The following MGAT4C variants were observed in gnomAD, a reference collection of about 807,000 sequenced individuals.
MGAT4C encodes the protein MGAT4 family member C, also known as alpha-1,3-mannosyl-glycoprotein 4-beta-N-acetylglucosaminyltransferase C.
MGAT4C carries 19 observed loss-of-function variants against 40.1 expected under a neutral mutation model. The ratio of observed to expected loss-of-function variants is 0.47; its 90% CI spans 0.33 to 0.70. MGAT4C has a LOEUF of 0.70. Among genes scored for constraint, MGAT4C ranks in the 30% least tolerant of loss-of-function variants. MGAT4C has a pLI of 0.02. For missense variants in MGAT4C, 491 were observed against 563.2 expected (o/e 0.87, Z 1.30); for synonymous variants, 181 against 187.1 (o/e 0.97, Z 0.27).
intron 1 of MGAT4C, among the ~76,000 whole-genome samples, chr12:86,079,939 T>C (rs1231481984): frequency 6.6e-6 from 1 of 150,844 alleles, no homozygotes; most frequent in African/African-American, 2.4e-5. Context: ...TAGCTAGGCC[T>C]CTCTCTCTCT....
chr12:86,079,581 C>T (rs944366024), intron 1 of MGAT4C, among the ~76,000 whole-genome samples: 3 of 151,868 alleles, frequency 2.0e-5, no homozygotes, highest in Non-Finnish European at 4.4e-5. Flanking sequence ...TGAGAGGATG[C>T]GGGTTGGAAT....
At chr12:86,611,033 G>A (rs1962238517) in intron 2 of MGAT4C, among the ~76,000 whole-genome samples, 1 of 151,894 alleles carries the variant, frequency 6.6e-6, no homozygotes, top group Non-Finnish European at 1.5e-5. Flanking sequence ...ATAGGCTGGA[G>A]ACAACCAGAA....
At chr12:86,384,931 C>G (rs532756584) in intron 3 of MGAT4C, among the ~76,000 whole-genome samples, 6 of 152,326 alleles carry the variant, frequency 3.9e-5, no homozygotes, top group African/African-American at 1.4e-4. Flanking sequence ...TGTTCTCTTT[C>G]AGATGGTTAA....
At chr12:86,740,673 A>T (rs1951056062) in intron 1 of MGAT4C, among the ~76,000 whole-genome samples, 1 of 151,226 alleles carries the variant, frequency 6.6e-6, no homozygotes, top group Non-Finnish European at 1.5e-5. Context: ...ACAGGATTTC[A>T]GAAAAGCCTC....
intron 4 of MGAT4C, among the ~76,000 whole-genome samples, chr12:86,312,610 T>C (rs953285932): frequency 6.6e-6 from 1 of 152,182 alleles, no homozygotes; most frequent in African/African-American, 2.4e-5. Flanking sequence ...GAAACAAATT[T>C]GTAGCATAAT....
chr12:86,724,062 T>G (rs1026302229), intron 2 of MGAT4C, among the ~76,000 whole-genome samples: 1 of 152,142 alleles, frequency 6.6e-6, no homozygotes, highest in Non-Finnish European at 1.5e-5. Flanking sequence ...AATTTAACTT[T>G]TATAACATAC....
intron 1 of MGAT4C, among the ~76,000 whole-genome samples, chr12:86,242,778 C>T (rs942673352): frequency 1.2e-4 from 19 of 152,082 alleles, no homozygotes; most frequent in Non-Finnish European, 2.1e-4. Context: ...CAATCCCCCA[C>T]TCCCCACCAC....
intron 2 of MGAT4C, among the ~76,000 whole-genome samples, chr12:86,630,330 A>G (rs1017306526): frequency 6.6e-6 from 1 of 152,194 alleles, no homozygotes; most frequent in Non-Finnish European, 1.5e-5. Flanking sequence ...AGGTAAAAAG[A>G]GGAGCTGGTA....
In MGAT4C at chr12:86,468,397, C is replaced by A. The variant is rs528425587; in HGVS notation, c.-228-33132G>T. ...CAGCCTGTTCTTCATATCTTCATTG[C>A]TAGCACAGTGCCCCCTATGTCATTT... On this transcript the variant is annotated intron_variant, in intron 2 of 7. Transcript: ENST00000548651. Among the ~76,000 whole-genome samples, 343 of 152,132 alleles carry A rather than the reference C, an allele frequency of 2.3e-3. 1 individual carries two copies. The highest frequency in any genetic ancestry group is 2.4e-3 in the Non-Finnish European group (164 of 67,982).
chr12:86,270,219 G>A (rs987568279), intron 4 of MGAT4C, among the ~76,000 whole-genome samples: 37 of 151,838 alleles, frequency 2.4e-4, no homozygotes, highest in Admixed American at 2.0e-3. Flanking sequence ...GGTGCACACC[G>A]CCATGCCCAG....
At chr12:85,980,991 T>A (rs1884528080) in intron 4 of MGAT4C, among the ~76,000 whole-genome samples, 1 of 152,300 alleles carries the variant, frequency 6.6e-6, no homozygotes, top group Non-Finnish European at 1.5e-5. Flanking sequence ...GCTGTCATTA[T>A]GTTGTACTAG....
In MGAT4C at chr12:86,187,733, T is replaced by TA. The variant is rs529182533; in HGVS notation, c.-57+68505_-57+68506insT. Among the ~76,000 whole-genome samples the TA allele has an allele frequency of 7.7e-3, 900 of 116,936 alleles. 5 individuals carry two copies. The highest frequency in any genetic ancestry group is 0.012 in the Middle Eastern group (3 of 256). 76.7% of individuals were successfully genotyped at this position (116,936 alleles called of 152,430 possible). ...CTACTTGGCTGTTAGGCATTGTGTC[T>TA]TCCTGCCTTCCAACTGCAAAAAAAA... On this transcript the variant is annotated intron_variant, in intron 1 of 4. Coordinates refer to ENST00000611864, the MANE Select transcript of MGAT4C (RefSeq NM_001351288.2).
At chr12:86,162,225 CAA>C (rs1357862137) in intron 1 of MGAT4C, among the ~76,000 whole-genome samples, 4 of 152,068 alleles carry the variant, frequency 2.6e-5, no homozygotes, top group African/African-American at 9.7e-5. Context: ...TTCAAAATAG[CAA>C]AGACATGAAA....
intron 2 of MGAT4C, among the ~76,000 whole-genome samples, chr12:86,603,635 ATATATAGTATATAT>A (rs1025251504): frequency 6.9e-4 from 87 of 125,710 alleles, no homozygotes; most frequent in African/African-American, 2.6e-3. Flanking sequence ...TCTATAGACT[ATATATAGTATATAT>A]TATATAGTCT....
At position 86,573,304 on chromosome 12, in the gene MGAT4C, C is replaced by T. The variant is rs144763949; in HGVS notation, c.-228-138039G>A. Among the ~76,000 whole-genome samples the T allele has an allele frequency of 4.7e-3, 710 of 151,918 alleles. 3 individuals are homozygous for T. The highest frequency in any genetic ancestry group is 8.0e-3 in the Non-Finnish European group (543 of 67,914). ...AAACACAGAATACAATTAGAAAATA[C>T]GAGAGGCAATTGAACTAAAGGGGTT... On this transcript the variant is annotated intron_variant, in intron 2 of 7. Transcript: ENST00000548651.
At chr12:86,652,379 G>T (rs573707008) in intron 2 of MGAT4C, among the ~76,000 whole-genome samples, 1 of 151,832 alleles carries the variant, frequency 6.6e-6, no homozygotes, top group Non-Finnish European at 1.5e-5. Flanking sequence ...AATGCATTTA[G>T]CTCATGAACG....
intron 1 of MGAT4C, among the ~76,000 whole-genome samples, chr12:86,099,875 T>C (rs1348855954): frequency 2.0e-5 from 3 of 151,476 alleles, no homozygotes; most frequent in Admixed American, 2.0e-4. Context: ...TGTTAGTTAA[T>C]GTTTTAGATG....
intron 2 of MGAT4C, among the ~76,000 whole-genome samples, chr12:86,707,374 G>C (rs1306636757): frequency 6.6e-6 from 1 of 152,078 alleles, no homozygotes; most frequent in Non-Finnish European, 1.5e-5. Flanking sequence ...GGTCTCAGAC[G>C]GAAAAGAGGA....
intron 2 of MGAT4C, among the ~76,000 whole-genome samples, chr12:86,027,682 G>A (rs986298696): frequency 6.6e-6 from 1 of 151,950 alleles, no homozygotes; most frequent in African/African-American, 2.4e-5. Context: ...TGGAGTTTAT[G>A]TGAATACATG....
Sources: gnomAD v4.1 joint callset for allele counts (sites outside exome capture counted in the v4.1 genomes callset) on GRCh38, gnomAD v4.1.1 for gene constraint, MANE v1.5 for transcripts, NCBI Gene and HGNC (gene_info 2026-07-23, HGNC 2026-07-21) for gene names.